Variants in RELN observed in about 807,000 individuals in gnomAD.
RELN encodes reelin.
RELN carries 108 observed loss-of-function variants against 427.6 expected under a neutral mutation model. The ratio of observed to expected loss-of-function variants is 0.25; its 90% CI spans 0.22 to 0.30. The LOEUF is 0.30. RELN is among the 10% of genes least tolerant of loss of function. The pLI is 1.00. For synonymous variants in RELN, 1,524 were observed against 1,513.4 expected, an observed-to-expected ratio of 1.01 and a Z score of -0.16; for missense variants, 3,715 against 4,302.8, an observed-to-expected ratio of 0.86 and a Z score of 3.82.
At chr7:103,728,041 A>T in intron 7 of RELN, 70 bp downstream of exon 7, 1 of 1,482,538 alleles carries the variant, frequency 6.7e-7, no homozygotes, top group Admixed American at 1.7e-5. Context: ...GAGCATAAGA[A>T]AAACTTTTGT....
intron 11 of RELN, among the ~76,000 whole-genome samples, chr7:103,680,302 T>G (rs1476423458): frequency 1.3e-5 from 2 of 152,042 alleles, no homozygotes; most frequent in East Asian, 3.9e-4. Context: ...TCTGCTTTAA[T>G]GGGATGGGGG....
intron 4 of RELN, among the ~76,000 whole-genome samples, chr7:103,772,345 A>C (rs1268979396): frequency 7.0e-6 from 1 of 143,836 alleles, no homozygotes; most frequent in African/African-American, 2.7e-5. Flanking sequence ...TGAATGAATG[A>C]ATGCACAAGT....
intron 44 of RELN, 189 bp from the exon 45 acceptor site, chr7:103,539,516 GA>G (rs1210495309): frequency 1.9e-5 from 12 of 620,524 alleles, no homozygotes; most frequent in Non-Finnish European, 3.1e-5. Flanking sequence ...CATCTGGCAA[GA>G]AACTACACAA....
intron 1 of RELN, among the ~76,000 whole-genome samples, chr7:103,927,032 C>G (rs1795760442): frequency 6.6e-6 from 1 of 152,160 alleles, no homozygotes; most frequent in South Asian, 2.1e-4. Flanking sequence ...TCATAAGCAA[C>G]TGTCCTAAAA....
At position 103,620,538 on chromosome 7, in the gene RELN, A is replaced by C. The variant is rs1223160426; in HGVS notation, c.2703-8735T>G. ...CCCAGGCTGGAGTAACAGTGGCACG[A>C]TCTTGGCTCACTGCAGCCTCTGCCT... On this transcript the variant is annotated intron_variant, in intron 20 of 64. Transcript: ENST00000428762. The surrounding 1 kb of genome is among the most constrained non-coding windows in gnomAD (Gnocchi z 4.1). Among the ~76,000 whole-genome samples, 1 of 149,648 alleles carries C rather than the reference A, an allele frequency of 6.7e-6. No homozygotes were observed. Among genetic ancestry groups the C allele is most frequent in the Non-Finnish European group, 1.5e-5 (1 of 67,836 alleles).
At chr7:103,860,912 T>G (rs1259699497) in intron 2 of RELN, among the ~76,000 whole-genome samples, 1 of 152,120 alleles carries the variant, frequency 6.6e-6, no homozygotes, top group Non-Finnish European at 1.5e-5. Flanking sequence ...TTTTTAGCAT[T>G]GTAAAATTTA....
intron 31 of RELN, 123 bp from the exon 32 acceptor site, chr7:103,566,882 T>A (rs557382474): frequency 1.1e-6 from 1 of 916,340 alleles, no homozygotes; most frequent in East Asian, 2.5e-5. Context: ...GGCACATTTG[T>A]GTAACTTCCA....
intron 1 of RELN, among the ~76,000 whole-genome samples, chr7:103,980,859 TAAGAGCTTAGAACCA>T (rs1444312338): frequency 6.6e-6 from 1 of 152,178 alleles, no homozygotes; most frequent in Non-Finnish European, 1.5e-5. Flanking sequence ...CCACTTTTTC[TAAGAGCTTAGAACCA>T]ACCAATTTCC....
chr7:103,643,266 T>C (rs1353114624), intron 16 of RELN, among the ~76,000 whole-genome samples: 1 of 152,114 alleles, frequency 6.6e-6, no homozygotes, highest in Non-Finnish European at 1.5e-5. Flanking sequence ...TTTTGTCCCT[T>C]CTCCTCTCTT....
At chr7:103,600,314 G>A (rs1044745104) in intron 24 of RELN, among the ~76,000 whole-genome samples, 4 of 152,186 alleles carry the variant, frequency 2.6e-5, no homozygotes, top group African/African-American at 9.7e-5. Context: ...GCCAGACAGT[G>A]TATCCACCTT....
intron 2 of RELN, among the ~76,000 whole-genome samples, chr7:103,910,883 C>T (rs1795349523): frequency 7.4e-6 from 1 of 134,962 alleles, no homozygotes; most frequent in South Asian, 2.6e-4. Flanking sequence ...AACGTTAGAC[C>T]TAAAACCATA....
At chr7:103,709,020 A>G (rs1182752517) in intron 8 of RELN, among the ~76,000 whole-genome samples, 1 of 152,220 alleles carries the variant, frequency 6.6e-6, no homozygotes, top group African/African-American at 2.4e-5. Flanking sequence ...GAGCTGCTTC[A>G]CACAGAAGAG....
Position 103,912,146 on chromosome 7 carries a change from C to G in RELN, c.337+4929G>C, listed in dbSNP as rs192546041. ...AAATTACAAAGAAAAAATTCCTACA[C>G]CTGTTCACTACATTCCCCCCCAACT... On this transcript the variant is annotated intron_variant, in intron 2 of 64. Coordinates refer to ENST00000428762, the MANE Select transcript of RELN (RefSeq NM_005045.4). 2.0e-3 allele frequency among the ~76,000 whole-genome samples: 299 copies of G among 150,376 alleles called. 1 individual carries two copies. Among genetic ancestry groups the G allele is most frequent in the African/African-American group, 6.8e-3 (281 of 41,194 alleles).
intron 7 of RELN, among the ~76,000 whole-genome samples, chr7:103,723,734 T>C (rs1584436897): frequency 1.3e-5 from 2 of 152,268 alleles, no homozygotes; most frequent in Middle Eastern, 3.4e-3. Context: ...TAATAATGGT[T>C]CCATAACTTT....
Position 103,769,003 on chromosome 7 carries a change from T to A in RELN, c.544+7554A>T, listed in dbSNP as rs536713614. ...AAATTACAAAACAGAGATACATTTT[T>A]AAAAAATTAAACATTCACAATTTTA... On this transcript the variant is annotated intron_variant, in intron 4 of 64. Coordinates refer to ENST00000428762, the MANE Select transcript of RELN (RefSeq NM_005045.4). Among the ~76,000 whole-genome samples the A allele has an allele frequency of 2.0e-5, 3 of 152,334 alleles. No individual in the cohort carries two copies. In the South Asian group the frequency reaches 6.2e-4, roughly 32 times the overall value.
intron 1 of RELN, among the ~76,000 whole-genome samples, chr7:103,922,562 G>A (rs550913094): frequency 4.3e-4 from 65 of 152,182 alleles, no homozygotes; most frequent in Non-Finnish European, 7.5e-4. Flanking sequence ...GATTGCTGGG[G>A]TGTGACTGCG....
In RELN at chr7:103,557,178, A is replaced by G. The variant is rs1374340593; in HGVS notation, c.5615-19T>C. 6.3e-7 allele frequency: 1 copy of G among 1,590,768 alleles called. No individual in the cohort carries two copies. Among genetic ancestry groups the G allele is most frequent in the Non-Finnish European group, 8.6e-7 (1 of 1,159,002 alleles). On this transcript the variant is annotated intron_variant, in intron 37 of 64. Transcript: ENST00000428762. ...GGGGTACCTAGGAAGAAGATAACAC[A>G]GGTATAAAACATACTGTGATAAAAA...
At chr7:103,845,137 CAA>C (rs34436191) in intron 2 of RELN, among the ~76,000 whole-genome samples, 1,276 of 127,138 alleles carry the variant, frequency 0.01, 11 homozygotes, top group African/African-American at 0.028. Context: ...ACCGTTTTAT[CAA>C]AAAAAAATTT....
intron 8 of RELN, among the ~76,000 whole-genome samples, chr7:103,708,235 G>A (rs1338131819): frequency 2.0e-5 from 3 of 151,978 alleles, no homozygotes; most frequent in Admixed American, 6.6e-5. Context: ...TCAATGAGTC[G>A]ACCAACTATT....
Sources: gnomAD v4.1 joint callset for allele counts (sites outside exome capture counted in the v4.1 genomes callset) on GRCh38, gnomAD v4.1.1 for gene constraint, Gnocchi (gnomAD v3.1) non-coding constraint, MANE v1.5 for transcripts, NCBI Gene and HGNC (gene_info 2026-07-23, HGNC 2026-07-21) for gene names.